ZNF892: variants seen among roughly 807,000 people sequenced by gnomAD.
ZNF892 encodes zinc finger protein 892, also known as zinc finger protein 570-like.
the ZNF892 span, among the ~76,000 whole-genome samples, chr2:95,238,892 A>G: frequency 6.6e-6 from 1 of 152,076 alleles, no homozygotes; most frequent in Non-Finnish European, 1.5e-5. Context: ...TAATCCCAGC[A>G]CTTTGGGAGG....
At chr2:95,250,388 A>G in the ZNF892 span, among the ~76,000 whole-genome samples, 1 of 151,828 alleles carries the variant, frequency 6.6e-6, no homozygotes, top group Non-Finnish European at 1.5e-5. Flanking sequence ...ACTAGCTTTT[A>G]TTTATGGAAC....
chr2:95,253,890 T>C, the ZNF892 span, among the ~76,000 whole-genome samples: 6 of 152,144 alleles, frequency 3.9e-5, no homozygotes, highest in Non-Finnish European at 7.4e-5. Context: ...CTGTCTGTTA[T>C]TGGTGTATAA....
the ZNF892 span, among the ~76,000 whole-genome samples, chr2:95,216,003 G>T: frequency 1.3e-5 from 2 of 152,156 alleles, no homozygotes; most frequent in African/African-American, 4.8e-5. Flanking sequence ...AAGAGATCGA[G>T]AATTCACAAT....
At chr2:95,231,418 C>T in the ZNF892 span, among the ~76,000 whole-genome samples, 4 of 152,162 alleles carry the variant, frequency 2.6e-5, no homozygotes, top group Non-Finnish European at 5.9e-5. Context: ...AGGGGCAGAA[C>T]AAACTTTCTA....
At chr2:95,256,212 G>T in the ZNF892 span, among the ~76,000 whole-genome samples, 1 of 152,164 alleles carries the variant, frequency 6.6e-6, no homozygotes, top group Admixed American at 6.5e-5. Context: ...GCTGGTACTG[G>T]TTGTTCCTTT....
chr2:95,237,517 T>C, the ZNF892 span, among the ~76,000 whole-genome samples: 1 of 152,178 alleles, frequency 6.6e-6, no homozygotes, highest in Non-Finnish European at 1.5e-5. Flanking sequence ...AGGGCCTCCC[T>C]ATTTCCCTGA....
At chr2:95,207,439 C>T in the ZNF892 span, 4 of 178,376 alleles carry the variant, frequency 2.2e-5, no homozygotes, top group Non-Finnish European at 2.3e-5. Flanking sequence ...GCCCCGGGAG[C>T]AGGTGGCCGC....
chr2:95,208,535 G>C, the ZNF892 span: 1 of 397,072 alleles, frequency 2.5e-6, no homozygotes, highest in Non-Finnish European at 4.4e-6. Flanking sequence ...TGCGATTTTC[G>C]TTTGGTTCCC....
chr2:95,231,100 A>G, the ZNF892 span, among the ~76,000 whole-genome samples: 5 of 152,242 alleles, frequency 3.3e-5, no homozygotes, highest in Admixed American at 6.5e-5. Context: ...CCCGAGAGAA[A>G]TGAACACATA....
the ZNF892 span, among the ~76,000 whole-genome samples, chr2:95,250,539 A>C: frequency 6.8e-6 from 1 of 147,622 alleles, no homozygotes; most frequent in Non-Finnish European, 1.5e-5. Context: ...TTATAAATTT[A>C]TAAATTTAAA....
chr2:95,255,713 T>C, the ZNF892 span, among the ~76,000 whole-genome samples: 1 of 152,230 alleles, frequency 6.6e-6, no homozygotes. Flanking sequence ...TGTGGGAGTC[T>C]AAGTCTCTTT....
chr2:95,239,568 T>C, the ZNF892 span, among the ~76,000 whole-genome samples: 1 of 152,048 alleles, frequency 6.6e-6, no homozygotes, highest in South Asian at 2.1e-4. Context: ...CCATCATCAT[T>C]GAGGCAAGAC....
chr2:95,207,609 T>A, the ZNF892 span: 2 of 390,050 alleles, frequency 5.1e-6, no homozygotes, highest in African/African-American at 4.1e-5. Flanking sequence ...AGTGTGTGGC[T>A]GGAGGTCGAA....
chr2:95,218,188 G>A, the ZNF892 span, among the ~76,000 whole-genome samples: 2 of 152,200 alleles, frequency 1.3e-5, no homozygotes, highest in Admixed American at 6.5e-5. Context: ...TGTTTTCTTC[G>A]TAGCAAATTT....
At chr2:95,263,132 G>A in the ZNF892 span, among the ~76,000 whole-genome samples, 1 of 152,316 alleles carries the variant, frequency 6.6e-6, no homozygotes, top group East Asian at 1.9e-4. Flanking sequence ...AGAGAGATAA[G>A]GCAGAAAAGA....
the ZNF892 span, among the ~76,000 whole-genome samples, chr2:95,240,538 C>G: frequency 6.6e-6 from 1 of 152,228 alleles, no homozygotes; most frequent in African/African-American, 2.4e-5. Context: ...AGCAGCAACT[C>G]AGGCATACAC....
the ZNF892 span, among the ~76,000 whole-genome samples, chr2:95,223,397 T>TG: frequency 4.6e-5 from 7 of 152,026 alleles, no homozygotes; most frequent in East Asian, 3.9e-4. Context: ...GGGGTTTTTT[T>TG]GGGGGGGAGG....
At chr2:95,235,241 T>G in the ZNF892 span, among the ~76,000 whole-genome samples, 1 of 152,214 alleles carries the variant, frequency 6.6e-6, no homozygotes, top group Non-Finnish European at 1.5e-5. Flanking sequence ...CAGTCAAGAT[T>G]TCTAGAGTTG....
At chr2:95,246,183 A>C in the ZNF892 span, among the ~76,000 whole-genome samples, 1 of 152,222 alleles carries the variant, frequency 6.6e-6, no homozygotes, top group Non-Finnish European at 1.5e-5. Context: ...AAGTTGGCTT[A>C]ATCTCCAGGA....
Sources: allele counts gnomAD v4.1 joint callset (sites outside exome capture counted in the v4.1 genomes callset), GRCh38; gene constraint gnomAD v4.1.1; transcripts MANE v1.5; gene names NCBI Gene and HGNC (gene_info 2026-07-23, HGNC 2026-07-21).